Variants in CTIF observed in about 807,000 individuals in gnomAD.
CTIF encodes CBP80/20-dependent translation initiation factor.
A neutral mutation model predicts 66.0 loss-of-function variants in CTIF; 21 were observed. That is an observed-to-expected ratio of 0.32 (90% confidence interval 0.23 to 0.46). The LOEUF (loss-of-function observed/expected upper bound fraction) is 0.46, where lower values mean the gene tolerates loss of function less well. Ranked by LOEUF, CTIF falls within the 20% of genes least tolerant of loss-of-function variation. The pLI, the probability that CTIF is intolerant of heterozygous loss-of-function variation, is 1.00. For missense variants in CTIF, 739 were observed against 812.7 expected (o/e 0.91, Z 1.10); for synonymous variants, 345 against 326.4 (o/e 1.06, Z -0.62).
chr18:48,850,713 C>T (rs1476260086), intron 10 of CTIF, among the ~76,000 whole-genome samples: 1 of 152,170 alleles, frequency 6.6e-6, no homozygotes, highest in Non-Finnish European at 1.5e-5. Context: ...CCAAGGGCCC[C>T]CTGGAAGAGG....
rs543480443 is a variant in CTIF at position 48,764,504 on chromosome 18, C to T, written c.1371+2815C>T. Among the ~76,000 whole-genome samples, 9 of 152,238 alleles carry T rather than the reference C, an allele frequency of 5.9e-5. No individual in the cohort carries two copies. The South Asian group carries it at 1.7e-3, about 28-fold the overall frequency. ...TGCCTGGTGCTGGAGGGCCCTCGGT[C>T]GTCAAGGAGAAATGGATGTCTGAAA... On this transcript the variant is annotated intron_variant, in intron 9 of 11. Transcript: ENST00000256413.
At chr18:48,662,438 A>G (rs1315725594) in intron 3 of CTIF, 2 of 152,138 alleles carry the variant, frequency 1.3e-5, no homozygotes, top group African/African-American at 4.8e-5. Context: ...AGGAAGGCTG[A>G]GGGACTTGCC....
At chr18:48,568,569 C>A (rs899964512) in intron 1 of CTIF, among the ~76,000 whole-genome samples, 2 of 134,096 alleles carry the variant, frequency 1.5e-5, no homozygotes, top group Non-Finnish European at 3.1e-5. Flanking sequence ...AAGGTGTCAG[C>A]AGGGTTGGTG....
Position 48,761,166 on chromosome 18 carries a change from C to G in CTIF, c.1072-224C>G. On this transcript the variant is annotated intron_variant, in intron 8 of 11. Transcript: ENST00000256413. This position sits in a 1 kb window ranked among gnomAD's most constrained non-coding sequence, Gnocchi z 4.2. ...CTGGGTAGGAGCTAGAACCCAAAAA[C>G]AGTATCAGCCCTGGATGTCATAGGG... is the stretch of plus-strand genomic sequence containing the variant. 2.0e-6 allele frequency: 1 copy of G among 506,716 alleles called. No homozygotes were observed. The highest frequency in any genetic ancestry group is 3.5e-6 in the Non-Finnish European group (1 of 287,704). 31.4% of individuals were successfully genotyped at this position (506,716 alleles called of 1,614,324 possible). A position where few individuals can be genotyped will look rare whatever the true frequency, so the allele number is the denominator to read the frequency against.
intron 3 of CTIF, among the ~76,000 whole-genome samples, chr18:48,653,709 G>T (rs577948468): frequency 9.2e-5 from 14 of 152,176 alleles, no homozygotes; most frequent in East Asian, 7.7e-4. Flanking sequence ...GGCATCACGC[G>T]ACCTGACTTC....
chr18:48,757,783 A>T (rs1908536875), intron 7 of CTIF, 136 bp from the exon 8 acceptor site: 1 of 1,183,442 alleles, frequency 8.4e-7, no homozygotes, highest in South Asian at 1.5e-5. Flanking sequence ...GGCACGTAGA[A>T]GGTGCTCAGG....
At chr18:48,649,672 A>G (rs977472141) in intron 3 of CTIF, among the ~76,000 whole-genome samples, 1 of 152,194 alleles carries the variant, frequency 6.6e-6, no homozygotes, top group Non-Finnish European at 1.5e-5. Flanking sequence ...TGACCCTTGT[A>G]TAGCCTAACT....
intron 6 of CTIF, among the ~76,000 whole-genome samples, chr18:48,703,845 G>C (rs1161452220): frequency 6.6e-6 from 1 of 152,174 alleles, no homozygotes; most frequent in African/African-American, 2.4e-5. Flanking sequence ...TTCTGGAGAG[G>C]AGAAGGGAGG....
chr18:48,681,783 TG>T (rs750072970), intron 6 of CTIF, among the ~76,000 whole-genome samples: 3 of 151,090 alleles, frequency 2.0e-5, no homozygotes, highest in Non-Finnish European at 4.4e-5. Flanking sequence ...TTTGTTTGTT[TG>T]TTTGTTTGTT....
At position 48,619,242 on chromosome 18, in the gene CTIF, G is replaced by A. The variant is rs186194583; in HGVS notation, c.-28-296G>A. Among the ~76,000 whole-genome samples the A allele has an allele frequency of 1.2e-3, 181 of 152,302 alleles. 1 individual carries two copies. The highest frequency in any genetic ancestry group is 4.0e-3 in the African/African-American group (166 of 41,578). On this transcript the variant is annotated intron_variant, in intron 1 of 11. Transcript: ENST00000256413. ...GAGCTCATCTTCTGCCTTTCCCAGC[G>A]ATTAAGGCCTAGGTAGACACTAACT... is the stretch of plus-strand genomic sequence containing the variant.
At chr18:48,593,005 A>C (rs949770253) in intron 1 of CTIF, among the ~76,000 whole-genome samples, 1 of 152,242 alleles carries the variant, frequency 6.6e-6, no homozygotes, top group Admixed American at 6.5e-5. Context: ...TATACAGCCC[A>C]TGTCCTGCCT....
chr18:48,568,075 C>T (rs1317510473), intron 1 of CTIF: 1 of 151,994 alleles, frequency 6.6e-6, no homozygotes, highest in Non-Finnish European at 1.5e-5. Flanking sequence ...AATCCTATTT[C>T]ATAGATTCTT....
At chr18:48,705,465 T>A (rs1394768805) in intron 6 of CTIF, among the ~76,000 whole-genome samples, 1 of 152,258 alleles carries the variant, frequency 6.6e-6, no homozygotes, top group Non-Finnish European at 1.5e-5. Flanking sequence ...TCATCATAAC[T>A]TGATTATATC....
At chr18:48,687,067 A>G (rs1163856864) in intron 6 of CTIF, among the ~76,000 whole-genome samples, 1 of 152,046 alleles carries the variant, frequency 6.6e-6, no homozygotes, top group Non-Finnish European at 1.5e-5. Flanking sequence ...AGTTAGGGAA[A>G]CAGGAAGAAG....
At chr18:48,631,964 A>G (rs904574480) in intron 2 of CTIF, among the ~76,000 whole-genome samples, 16 of 152,126 alleles carry the variant, frequency 1.1e-4, no homozygotes, top group African/African-American at 2.2e-4. Context: ...CTCATCTCCT[A>G]TAGATCAGGA....
chr18:48,692,315 A>G (rs1304815399), intron 6 of CTIF, among the ~76,000 whole-genome samples: 1 of 121,812 alleles, frequency 8.2e-6, no homozygotes, highest in South Asian at 2.2e-4. Context: ...ACAAAAACAA[A>G]AACAAAACAA....
At chr18:48,597,018 T>C (rs943837638) in intron 1 of CTIF, among the ~76,000 whole-genome samples, 5 of 152,330 alleles carry the variant, frequency 3.3e-5, no homozygotes, top group African/African-American at 9.6e-5. Flanking sequence ...CACTGCATCA[T>C]GTGGGCCCTG....
intron 9 of CTIF, among the ~76,000 whole-genome samples, chr18:48,801,950 C>T (rs904332954): frequency 2.0e-5 from 3 of 152,238 alleles, no homozygotes; most frequent in Non-Finnish European, 2.9e-5. Context: ...ATTCATCCAA[C>T]TTATGCTTCA....
chr18:48,716,643 A>G (rs2092285027), intron 7 of CTIF, among the ~76,000 whole-genome samples: 2 of 152,164 alleles, frequency 1.3e-5, no homozygotes, highest in South Asian at 4.2e-4. Context: ...ATTGAACTAC[A>G]TAGAAGGGAA....
Sources: allele counts gnomAD v4.1 joint callset (sites outside exome capture counted in the v4.1 genomes callset), GRCh38; gene constraint gnomAD v4.1.1; non-coding constraint Gnocchi (gnomAD v3.1); transcripts MANE v1.5; gene names NCBI Gene and HGNC (gene_info 2026-07-23, HGNC 2026-07-21).